The following EYS variants were observed in gnomAD, a reference collection of about 807,000 sequenced individuals.
EYS encodes the protein EGF-like photoreceptor maintenance factor.
A neutral mutation model predicts 282.1 loss-of-function variants in EYS; 250 were observed. The ratio of observed to expected loss-of-function variants is 0.89; its 90% CI spans 0.80 to 0.98. The LOEUF (loss-of-function observed/expected upper bound fraction) is 0.98, where lower values mean the gene tolerates loss of function less well. EYS is among the 50% of genes least tolerant of loss of function. EYS has a pLI of 0.00. For synonymous variants in EYS, 1,355 were observed against 1,282.9 expected, an observed-to-expected ratio of 1.06 and a Z score of -1.20; for missense variants, 4,016 against 3,709.0, an observed-to-expected ratio of 1.08 and a Z score of -2.15.
intron 5 of EYS, among the ~76,000 whole-genome samples, chr6:65,408,495 G>A (rs953357701): frequency 3.3e-5 from 5 of 151,904 alleles, no homozygotes; most frequent in African/African-American, 4.8e-5. Flanking sequence ...CCTCTAAGTC[G>A]TCACATTTGT....
At chr6:64,980,838 G>A (rs1489380352) in intron 14 of EYS, among the ~76,000 whole-genome samples, 1 of 151,120 alleles carries the variant, frequency 6.6e-6, no homozygotes. Context: ...AAAATACTTT[G>A]GAAATTGTCC....
intron 30 of EYS, among the ~76,000 whole-genome samples, chr6:64,245,325 T>C (rs981687175): frequency 6.6e-6 from 1 of 151,750 alleles, no homozygotes; most frequent in African/African-American, 2.4e-5. Context: ...GGTGTTTTGT[T>C]TTGTTTTGTT....
chr6:63,786,704 AAAAG>A (rs900008703), intron 39 of EYS, among the ~76,000 whole-genome samples: 3 of 152,126 alleles, frequency 2.0e-5, no homozygotes, highest in Admixed American at 6.5e-5. Context: ...GTTAAAAAAA[AAAAG>A]AGATAATTTA....
At chr6:64,528,794 C>T (rs1438404373) in intron 26 of EYS, among the ~76,000 whole-genome samples, 2 of 151,962 alleles carry the variant, frequency 1.3e-5, no homozygotes, top group Non-Finnish European at 2.9e-5. Flanking sequence ...TGTGTATTGC[C>T]ACTCTACAGA....
intron 2 of EYS, among the ~76,000 whole-genome samples, chr6:65,608,062 T>G (rs1341955881): frequency 6.6e-6 from 1 of 152,036 alleles, no homozygotes; most frequent in Non-Finnish European, 1.5e-5. Context: ...TAGAATGATA[T>G]AGATAAGTGT....
chr6:64,165,224 C>G (rs1764253516), intron 31 of EYS, among the ~76,000 whole-genome samples: 1 of 151,962 alleles, frequency 6.6e-6, no homozygotes, highest in Non-Finnish European at 1.5e-5. Flanking sequence ...GAAATTTGTG[C>G]TACAATCTTT....
intron 35 of EYS, among the ~76,000 whole-genome samples, chr6:63,936,073 A>T (rs1206827258): frequency 1.3e-5 from 2 of 152,120 alleles, no homozygotes; most frequent in African/African-American, 4.8e-5. Flanking sequence ...TTATATTGTG[A>T]TATTTGTTTT....
chr6:65,189,076 T>G (rs1765580676), intron 12 of EYS, among the ~76,000 whole-genome samples: 1 of 151,678 alleles, frequency 6.6e-6, no homozygotes, highest in Non-Finnish European at 1.5e-5. Context: ...ATTTTTTTTA[T>G]AATGCATATC....
chr6:63,760,967 T>TGCC (rs1440373145), intron 41 of EYS, among the ~76,000 whole-genome samples: 1 of 151,998 alleles, frequency 6.6e-6, no homozygotes, highest in Non-Finnish European at 1.5e-5. Flanking sequence ...TTGAGTACTC[T>TGCC]GCCTTTCACT....
At position 64,107,285 on chromosome 6, in the gene EYS, T is replaced by TTATATATA. The variant is rs55756711; in HGVS notation, c.6425-25291_6425-25284dup. On this transcript the variant is annotated intron_variant, in intron 31 of 42. Transcript: ENST00000503581. ...TGTGTGTGTGTGTATATATATATAT[T>TTATATATA]TATATATATATATATATATATATAT... Among the ~76,000 whole-genome samples the TTATATATA allele has an allele frequency of 4.1e-3, 412 of 101,462 alleles. 2 individuals are homozygous for TTATATATA. Among genetic ancestry groups the TTATATATA allele is most frequent in the African/African-American group, 7.3e-3 (206 of 28,372 alleles). 66.6% of individuals were successfully genotyped at this position (101,462 alleles called of 152,430 possible).
intron 8 of EYS, among the ~76,000 whole-genome samples, chr6:65,378,881 T>C (rs1582212924): frequency 1.3e-5 from 2 of 151,822 alleles, no homozygotes; most frequent in African/African-American, 2.4e-5. Flanking sequence ...CCGGGGCCTG[T>C]CAGGGGGTGG....
chr6:64,068,670 T>TA (rs1272455042), intron 32 of EYS, among the ~76,000 whole-genome samples: 1 of 151,672 alleles, frequency 6.6e-6, no homozygotes, highest in Non-Finnish European at 1.5e-5. Flanking sequence ...TATATATATA[T>TA]AAAAAGAATT....
At chr6:65,298,579 T>C (rs966959712) in intron 11 of EYS, among the ~76,000 whole-genome samples, 7 of 152,074 alleles carry the variant, frequency 4.6e-5, no homozygotes, top group Non-Finnish European at 8.8e-5. Context: ...ATTTGACGAG[T>C]TGTGGTTAGA....
At chr6:65,180,545 C>T (rs149655757) in intron 12 of EYS, among the ~76,000 whole-genome samples, 2,584 of 151,860 alleles carry the variant, frequency 0.017, 85 homozygotes, top group African/African-American at 0.058. Context: ...CACTGCTCAA[C>T]GAAATAAAAG....
In EYS at chr6:64,072,686, G is replaced by A. The variant is rs114987013; in HGVS notation, c.6572-6195C>T. Among the ~76,000 whole-genome samples, 842 of 151,964 alleles carry A rather than the reference G, an allele frequency of 5.5e-3. 9 individuals carry two copies. Among genetic ancestry groups the A allele is most frequent in the African/African-American group, 0.019 (803 of 41,492 alleles). On this transcript the variant is annotated intron_variant, in intron 32 of 42. Transcript: ENST00000503581. ...GTTCTCCACTCCCATCATTTTGTGC[G>A]TGGGGAGGGTGTTAATGCACTAAAG...
intron 26 of EYS, among the ~76,000 whole-genome samples, chr6:64,521,035 C>G (rs1777718205): frequency 6.6e-6 from 1 of 151,762 alleles, no homozygotes; most frequent in Non-Finnish European, 1.5e-5. Flanking sequence ...GCAATGCGGA[C>G]AGGCAATATT....
intron 29 of EYS, among the ~76,000 whole-genome samples, chr6:64,311,188 G>T (rs2150378455): frequency 6.6e-6 from 1 of 152,032 alleles, no homozygotes; most frequent in East Asian, 1.9e-4. Flanking sequence ...TTCTACTGTT[G>T]GGAAACCTTT....
In EYS at chr6:64,686,841, GTATATATATATA is replaced by G. The variant is rs1279094020; in HGVS notation, c.3444-60608_3444-60597del. 3.7e-3 allele frequency among the ~76,000 whole-genome samples: 364 copies of G among 98,722 alleles called. 78 individuals carry two copies. Among genetic ancestry groups the G allele is most frequent in the African/African-American group, 0.015 (353 of 23,516 alleles). The allele number at this position is 98,722 out of a possible 152,430, so 64.8% of individuals were successfully genotyped here. ...TATATGTGTATATATATATATACGT[GTATATATATATA>G]TGTGTATATATATACGTGTATATAT... On this transcript the variant is annotated intron_variant, in intron 22 of 42. Transcript: ENST00000503581.
intron 29 of EYS, among the ~76,000 whole-genome samples, chr6:64,313,252 C>T (rs2150379645): frequency 6.6e-6 from 1 of 152,086 alleles, no homozygotes; most frequent in Admixed American, 6.5e-5. Context: ...GTTGCAACAG[C>T]CAAATCGATC....
Sources: allele counts gnomAD v4.1 joint callset (sites outside exome capture counted in the v4.1 genomes callset), GRCh38; gene constraint gnomAD v4.1.1; transcripts MANE v1.5; gene names NCBI Gene and HGNC (gene_info 2026-07-23, HGNC 2026-07-21).